The following PTPRN2 variants were observed in gnomAD, a reference collection of about 807,000 sequenced individuals.
The protein encoded by PTPRN2 is protein tyrosine phosphatase receptor type N2.
A neutral mutation model predicts 118.8 loss-of-function variants in PTPRN2; 74 were observed. That is an observed-to-expected ratio of 0.62 (90% CI 0.52 to 0.76). PTPRN2 has a LOEUF of 0.76. Among genes scored for constraint, PTPRN2 ranks in the 30% least tolerant of loss-of-function variants. The pLI is 0.00. For synonymous variants in PTPRN2, 641 were observed against 608.0 expected (o/e 1.05, Z -0.80); for missense variants, 1,481 against 1,394.4 (o/e 1.06, Z -0.99).
chr7:157,877,501 C>T (rs1021909066), intron 12 of PTPRN2, among the ~76,000 whole-genome samples: 3 of 151,762 alleles, frequency 2.0e-5, no homozygotes, highest in African/African-American at 4.8e-5. Context: ...CTCGGGGCCC[C>T]GGGTCCAAGT....
intron 3 of PTPRN2, among the ~76,000 whole-genome samples, chr7:158,251,343 G>A (rs1796641795): frequency 6.6e-6 from 1 of 152,208 alleles, no homozygotes; most frequent in African/African-American, 2.4e-5. Context: ...TATGATACAT[G>A]TGCATGCGGT....
intron 3 of PTPRN2, among the ~76,000 whole-genome samples, chr7:158,312,292 A>C (rs943762108): frequency 6.9e-5 from 3 of 43,674 alleles, no homozygotes; most frequent in Admixed American, 4.0e-4. Flanking sequence ...GCACACATGC[A>C]CACACATGTG....
At chr7:158,423,072 G>A (rs1020304643) in intron 2 of PTPRN2, among the ~76,000 whole-genome samples, 4 of 152,218 alleles carry the variant, frequency 2.6e-5, no homozygotes, top group African/African-American at 9.6e-5. Flanking sequence ...TCAGCCCAAA[G>A]CAACAAGGAA....
In PTPRN2 at chr7:157,656,388, T is replaced by G. The variant is rs1291686107; in HGVS notation, c.2165A>C (p.Asn722Thr). 5.2e-6 allele frequency: 8 copies of G among 1,552,402 alleles called. No homozygotes were observed. Among genetic ancestry groups the G allele is most frequent in the Non-Finnish European group, 6.1e-6 (7 of 1,147,568 alleles). The change falls in exon 14 of 23, where the codon AAC becomes ACC. Residue 722 changes from asparagine (N) to threonine (T), a missense_variant. By Grantham distance (65) the Asn-to-Thr change is moderately conservative. This residue lies in a region of PTPRN2 where 1,115 missense variants were observed against 994.2 expected (regional missense o/e 1.12). Transcript: ENST00000389418. The part of the protein sequence containing the change: ...SSWSEEPVQS[N>T]MDISTGHMIL... ...CATGTGGCCGGTGGAGATGTCCATG[T>G]TGGACTGCACAGGCTCCTCGGACCA...
intron 2 of PTPRN2, among the ~76,000 whole-genome samples, chr7:158,322,356 C>T (rs572751821): frequency 4.7e-4 from 72 of 152,340 alleles, no homozygotes; most frequent in African/African-American, 1.1e-3. Flanking sequence ...AAAAAGGGCA[C>T]GAGAGCACCT....
At chr7:157,851,685 T>C (rs892376480) in intron 12 of PTPRN2, among the ~76,000 whole-genome samples, 18 of 152,166 alleles carry the variant, frequency 1.2e-4, no homozygotes, top group African/African-American at 4.3e-4. Flanking sequence ...CTCTCCACAT[T>C]TGAAACCCTA....
chr7:157,874,874 TACAC>T lies in PTPRN2; in HGVS notation c.1788+23795_1788+23798del, dbSNP rs530331922. Among the ~76,000 whole-genome samples, 428 of 148,520 alleles carry T rather than the reference TACAC, an allele frequency of 2.9e-3. 1 individual carries two copies. The highest frequency in any genetic ancestry group is 4.5e-3 in the Admixed American group (67 of 14,984). On this transcript the variant is annotated intron_variant, in intron 12 of 22. Coordinates refer to ENST00000389418, the MANE Select transcript of PTPRN2 (RefSeq NM_002847.5). This position sits in a 1 kb window ranked among gnomAD's most constrained non-coding sequence, Gnocchi z 5.8. Reference sequence around the variant, plus strand: ...ACACACGGAGACACACTCGTGCACATACACACACGGAGACACACTCGTGCACATA... The same window carrying T: ...ACACACGGAGACACACTCGTGCACATACACGGAGACACACTCGTGCACATA...
intron 11 of PTPRN2, among the ~76,000 whole-genome samples, chr7:158,047,010 G>A (rs887748033): frequency 6.6e-6 from 1 of 152,202 alleles, no homozygotes; most frequent in African/African-American, 2.4e-5. Context: ...GAGCGGCTGC[G>A]AGGGAGGCCT....
chr7:158,275,293 C>T (rs2150981782), intron 3 of PTPRN2, among the ~76,000 whole-genome samples: 1 of 152,288 alleles, frequency 6.6e-6, no homozygotes, highest in East Asian at 1.9e-4. Context: ...TCTGAACAAG[C>T]TGCAGGGCTG....
In PTPRN2 at chr7:158,587,557, C is replaced by A; in HGVS notation, c.112+1G>T. On this transcript the variant is annotated splice_donor_variant, in intron 1 of 22. Transcript: ENST00000389418. LOFTEE classifies it high-confidence loss of function. ...CCCCTCCCCCGGCGCCCCCCACTCA[C>A]CCAGACGCCCCGGGAGCTGCCGGCC... is the stretch of plus-strand genomic sequence containing the variant. The A allele has an allele frequency of 7.5e-7, 1 of 1,329,668 alleles. No individual in the cohort carries two copies. The highest frequency in any genetic ancestry group is 3.8e-5 in the Admixed American group (1 of 26,602). The allele number at this position is 1,329,668 out of a possible 1,614,324, so 82.4% of individuals were successfully genotyped here.
At chr7:158,332,687 A>T in intron 2 of PTPRN2, among the ~76,000 whole-genome samples, 1 of 146,896 alleles carries the variant, frequency 6.8e-6, no homozygotes, top group East Asian at 2.0e-4. Context: ...CCACACTCTA[A>T]CCATAAGAGT....
chr7:158,009,620 C>T lies in PTPRN2; in HGVS notation c.1723+71678G>A, dbSNP rs1805898322. On this transcript the variant is annotated intron_variant, in intron 11 of 22. Coordinates refer to ENST00000389418, the MANE Select transcript of PTPRN2 (RefSeq NM_002847.5). ...AAAATTTTCCCACTTAATATAAAAA[C>T]CACGACATCAAGCTGAGTATAAGGA... 3.3e-5 allele frequency among the ~76,000 whole-genome samples: 5 copies of T among 152,194 alleles called. No individual in the cohort carries two copies. In the South Asian group the frequency reaches 1.0e-3, roughly 32 times the overall value.
intron 11 of PTPRN2, among the ~76,000 whole-genome samples, chr7:158,054,548 G>T (rs955870283): frequency 1.3e-5 from 2 of 152,232 alleles, no homozygotes; most frequent in African/African-American, 4.8e-5. Context: ...CAACGAACAC[G>T]TCAGAACACC....
Position 157,974,966 on chromosome 7 carries a change from C to T in PTPRN2, c.1724-76229G>A, listed in dbSNP as rs547977418. Reference sequence around the variant, plus strand: ...ATGGAACAAGCCCTAGTCAGAAATGCCTCCTGACGCCTGTGACCTCTGGGC... The same window carrying T: ...ATGGAACAAGCCCTAGTCAGAAATGTCTCCTGACGCCTGTGACCTCTGGGC... On this transcript the variant is annotated intron_variant, in intron 11 of 22. Transcript: ENST00000389418. This position sits in a 1 kb window ranked among gnomAD's most constrained non-coding sequence, Gnocchi z 4.0. Among the ~76,000 whole-genome samples, 1 of 152,064 alleles carries T rather than the reference C, an allele frequency of 6.6e-6. No individual in the cohort carries two copies. The highest frequency in any genetic ancestry group is 2.1e-4 in the South Asian group (1 of 4,812).
intron 12 of PTPRN2, among the ~76,000 whole-genome samples, chr7:157,743,760 G>T (rs1349655585): frequency 2.0e-5 from 3 of 152,054 alleles, no homozygotes; most frequent in Non-Finnish European, 4.4e-5. Context: ...GGCTGAGTTG[G>T]GCTCTCGGCA....
At chr7:157,883,515 C>T (rs948119883) in intron 12 of PTPRN2, among the ~76,000 whole-genome samples, 4 of 147,848 alleles carry the variant, frequency 2.7e-5, no homozygotes, top group Non-Finnish European at 5.9e-5. Flanking sequence ...CCAAAAATGA[C>T]TGTTGGAGAT....
intron 2 of PTPRN2, among the ~76,000 whole-genome samples, chr7:158,486,861 C>T (rs528732211): frequency 2.6e-5 from 4 of 152,302 alleles, no homozygotes; most frequent in African/African-American, 9.6e-5. Flanking sequence ...GTTGATCAGT[C>T]ATCACCACCG....
intron 6 of PTPRN2, among the ~76,000 whole-genome samples, chr7:158,144,990 C>G (rs1013342194): frequency 1.4e-5 from 2 of 144,868 alleles, no homozygotes; most frequent in Non-Finnish European, 1.5e-5. Context: ...CAGAATACCA[C>G]GGCTCGGCAA....
chr7:157,796,448 G>T (rs1804873809), intron 12 of PTPRN2, among the ~76,000 whole-genome samples: 1 of 152,230 alleles, frequency 6.6e-6, no homozygotes, highest in Admixed American at 6.5e-5. Flanking sequence ...AGTTCACTGG[G>T]TGCTGTTTAC....
Sources: gnomAD v4.1 joint callset for allele counts (sites outside exome capture counted in the v4.1 genomes callset) on GRCh38, gnomAD v4.1.1 for gene constraint, gnomAD v4.1.1 regional missense constraint, Gnocchi (gnomAD v3.1) non-coding constraint, MANE v1.5 for transcripts, NCBI Gene and HGNC (gene_info 2026-07-23, HGNC 2026-07-21) for gene names.